The following APCDD1L variants were observed in gnomAD, a reference collection of about 807,000 sequenced individuals.
APCDD1L encodes the protein APC down-regulated 1 like.
A neutral mutation model predicts 24.2 loss-of-function variants in APCDD1L; 21 were observed. That is an observed-to-expected ratio of 0.87 (90% confidence interval 0.61 to 1.25). The LOEUF is 1.25. Ranked by LOEUF, APCDD1L falls within the 50% of genes most tolerant of loss-of-function variation. The pLI, the probability that APCDD1L is intolerant of heterozygous loss-of-function variation, is 0.00. For missense variants in APCDD1L, 704 were observed against 711.7 expected (o/e 0.99, Z 0.12); for synonymous variants, 321 against 323.6 (o/e 0.99, Z 0.09).
chr20:58,476,752 G>C (rs940641301), intron 1 of APCDD1L, among the ~76,000 whole-genome samples: 4 of 152,156 alleles, frequency 2.6e-5, no homozygotes, highest in Admixed American at 2.6e-4. Flanking sequence ...GAAACTGGGT[G>C]CCTTTTTACC....
intron 1 of APCDD1L, among the ~76,000 whole-genome samples, chr20:58,504,734 C>T (rs1568753494): frequency 6.6e-6 from 1 of 152,136 alleles, no homozygotes; most frequent in South Asian, 2.1e-4. Flanking sequence ...GCAGGGAGGG[C>T]ACAGGGCCTT....
chr20:58,498,143 A>T (rs549586037), intron 1 of APCDD1L, among the ~76,000 whole-genome samples: 16 of 152,352 alleles, frequency 1.1e-4, no homozygotes, highest in African/African-American at 3.8e-4. Flanking sequence ...TTTGCAATGG[A>T]AAAGTCCCTT....
intron 1 of APCDD1L, among the ~76,000 whole-genome samples, chr20:58,481,639 A>G (rs1990027036): frequency 6.6e-6 from 1 of 152,016 alleles, no homozygotes; most frequent in Non-Finnish European, 1.5e-5. Flanking sequence ...GAGGCACACC[A>G]CTCACCGAGC....
At chr20:58,490,554 C>A (rs1209222381) in intron 1 of APCDD1L, among the ~76,000 whole-genome samples, 1 of 152,240 alleles carries the variant, frequency 6.6e-6, no homozygotes, top group Non-Finnish European at 1.5e-5. Flanking sequence ...CTCAACCTCT[C>A]TGTAAGCTGA....
At chr20:58,507,593 G>C (rs1223781142) in intron 1 of APCDD1L, among the ~76,000 whole-genome samples, 1 of 151,958 alleles carries the variant, frequency 6.6e-6, no homozygotes, top group Non-Finnish European at 1.5e-5. Context: ...CTGACCATCT[G>C]TTCTCCCCTC....
At chr20:58,487,028 A>C (rs1990131945) in intron 1 of APCDD1L, among the ~76,000 whole-genome samples, 1 of 151,918 alleles carries the variant, frequency 6.6e-6, no homozygotes, top group South Asian at 2.1e-4. Flanking sequence ...CGCCTGGCTA[A>C]TTTTTGTATT....
intron 1 of APCDD1L, among the ~76,000 whole-genome samples, chr20:58,507,322 C>T (rs1041808238): frequency 6.6e-6 from 1 of 152,126 alleles, no homozygotes; most frequent in African/African-American, 2.4e-5. Flanking sequence ...GAAAATAGCC[C>T]AGTCTCGGGC....
chr20:58,510,901 T>C (rs1990614580), intron 1 of APCDD1L, among the ~76,000 whole-genome samples: 3 of 152,188 alleles, frequency 2.0e-5, no homozygotes, highest in Admixed American at 6.5e-5. Flanking sequence ...AGGAGACAGA[T>C]GCTAAGTGAC....
At position 58,461,075 on chromosome 20, in the gene APCDD1L, C is replaced by G. The variant is rs773349008; in HGVS notation, c.1221G>C (p.Pro407=). Residue 407 remains proline (P), a synonymous_variant, in exon 4 of 4, where the codon CCG becomes CCC. Transcript: ENST00000371149. The surrounding 1 kb of genome is among the most constrained non-coding windows in gnomAD (Gnocchi z 6.0). ...TCTTGAAAAGCTCGTACTCCACATG[C>G]GGGAGCCGGATGCCCAGCGGTAGGC... ...NGCLPLGIRL[P]HVEYELFKME... 1.5e-5 allele frequency: 24 copies of G among 1,614,030 alleles called. No homozygotes were observed. The South Asian group carries it at 2.6e-4, about 18-fold the overall frequency.
rs398036014 is a variant in APCDD1L at position 58,463,143 on chromosome 20, CAAAAA to C, written c.742-1594_742-1590del. On this transcript the variant is annotated intron_variant, in intron 3 of 3. Coordinates refer to ENST00000371149, the MANE Select transcript of APCDD1L (RefSeq NM_153360.3). ...GGTGACAGAGCAAGACTCCATCTCA[CAAAAA>C]AAAAAAAAAAAAAAAAAAATTATGT... Among the ~76,000 whole-genome samples, 66 of 93,752 alleles carry C rather than the reference CAAAAA, an allele frequency of 7.0e-4. 1 individual carries two copies. The highest frequency in any genetic ancestry group is 1.1e-3 in the Non-Finnish European group (57 of 50,086). The allele number at this position is 93,752 out of a possible 152,430, so 61.5% of individuals were successfully genotyped here.
chr20:58,481,383 G>T (rs892612214), intron 1 of APCDD1L, among the ~76,000 whole-genome samples: 2 of 152,232 alleles, frequency 1.3e-5, no homozygotes, highest in Non-Finnish European at 2.9e-5. Context: ...AGACCCCTCA[G>T]AACCCAGAAA....
chr20:58,461,219 A>G lies in APCDD1L; in HGVS notation c.1077T>C (p.His359=). 1 of 1,613,596 alleles carries G rather than the reference A, an allele frequency of 6.2e-7. No homozygotes were observed. ...TELVFEVTRA[H]VTPMDQVTTA... ...TGGTGACCTGGTCCATGGGGGTCACATGGGCCCGTGTGACCTCAAACACCA... is the reference window on the plus strand; with the variant it reads ...TGGTGACCTGGTCCATGGGGGTCACGTGGGCCCGTGTGACCTCAAACACCA... The change falls in exon 4 of 4, where the codon CAT becomes CAC. Residue 359 remains histidine (H), a synonymous_variant. Coordinates refer to ENST00000371149, the MANE Select transcript of APCDD1L (RefSeq NM_153360.3). The surrounding 1 kb of genome is among the most constrained non-coding windows in gnomAD (Gnocchi z 6.0).
chr20:58,508,248 G>A lies in APCDD1L; in HGVS notation c.49+6411C>T, dbSNP rs1256536331. Among the ~76,000 whole-genome samples, 1 of 152,212 alleles carries A rather than the reference G, an allele frequency of 6.6e-6. No individual in the cohort carries two copies. The highest frequency in any genetic ancestry group is 6.5e-5 in the Admixed American group (1 of 15,288). ...ATGCAGCTGATGGACAGGCTGGTGGGCTCTGAGTGACTGCTTCATGGTGGT... is the reference window on the plus strand; with the variant it reads ...ATGCAGCTGATGGACAGGCTGGTGGACTCTGAGTGACTGCTTCATGGTGGT... On this transcript the variant is annotated intron_variant, in intron 1 of 3. Coordinates refer to ENST00000371149, the MANE Select transcript of APCDD1L (RefSeq NM_153360.3). This position sits in a 1 kb window ranked among gnomAD's most constrained non-coding sequence, Gnocchi z 4.0.
chr20:58,464,369 G>A (rs1989670378), intron 3 of APCDD1L, among the ~76,000 whole-genome samples: 1 of 152,196 alleles, frequency 6.6e-6, no homozygotes, highest in South Asian at 2.1e-4. Flanking sequence ...TAAGGTGAAA[G>A]AGGGATGAGA....
intron 1 of APCDD1L, chr20:58,513,765 C>G: frequency 3.2e-6 from 2 of 624,858 alleles, no homozygotes; most frequent in Non-Finnish European, 5.4e-6. Flanking sequence ...TTTTGTGAGC[C>G]CATTTGACAG....
At position 58,467,674 on chromosome 20, in the gene APCDD1L, G is replaced by T; in HGVS notation, c.189-16C>A. On this transcript the variant is annotated splice_polypyrimidine_tract_variant and intron_variant, in intron 2 of 3. Transcript: ENST00000371149. The surrounding 1 kb of genome is among the most constrained non-coding windows in gnomAD (Gnocchi z 5.9). ...CACCTCGCAGCTGCAGGGGTGGAAG[G>T]AGATGGGCTGGGTGCAGAGGGAACA... 6.8e-7 allele frequency: 1 copy of T among 1,477,894 alleles called. No individual in the cohort carries two copies. The highest frequency in any genetic ancestry group is 1.4e-5 in the South Asian group (1 of 71,050). The allele number at this position is 1,477,894 out of a possible 1,614,324, so 91.5% of individuals were successfully genotyped here. A position where few individuals can be genotyped will look rare whatever the true frequency, so the allele number is the denominator to read the frequency against.
intron 1 of APCDD1L, among the ~76,000 whole-genome samples, chr20:58,503,085 C>T (rs967825280): frequency 3.9e-5 from 6 of 152,166 alleles, no homozygotes; most frequent in African/African-American, 1.2e-4. Flanking sequence ...TTCCCTAAGG[C>T]AGCATTTACA....
Position 58,514,764 on chromosome 20 carries a change from C to T in APCDD1L, c.-57G>A. The T allele has an allele frequency of 8.0e-7, 1 of 1,251,008 alleles. No homozygotes were observed. The highest frequency in any genetic ancestry group is 1.0e-6 in the Non-Finnish European group (1 of 986,990). The allele number at this position is 1,251,008 out of a possible 1,614,324, so 77.5% of individuals were successfully genotyped here. A position where few individuals can be genotyped will look rare whatever the true frequency, so the allele number is the denominator to read the frequency against. On this transcript the variant is annotated 5_prime_UTR_variant, in exon 1 of 4. Coordinates refer to ENST00000371149, the MANE Select transcript of APCDD1L (RefSeq NM_153360.3). ...CGCTGCCACGGTGCGCAAGGGGAGGCGCGGGCGCAGGGCTCTCGGACGGCT... is the reference window on the plus strand; with the variant it reads ...CGCTGCCACGGTGCGCAAGGGGAGGTGCGGGCGCAGGGCTCTCGGACGGCT...
At chr20:58,492,883 G>A (rs1302740292) in intron 1 of APCDD1L, among the ~76,000 whole-genome samples, 2 of 149,050 alleles carry the variant, frequency 1.3e-5, no homozygotes, top group African/African-American at 5.0e-5. Flanking sequence ...CACAATGCAA[G>A]CATATACACA....
Sources: allele counts gnomAD v4.1 joint callset (sites outside exome capture counted in the v4.1 genomes callset), GRCh38; gene constraint gnomAD v4.1.1; non-coding constraint Gnocchi (gnomAD v3.1); transcripts MANE v1.5; gene names NCBI Gene and HGNC (gene_info 2026-07-23, HGNC 2026-07-21).